Variants in TANC1 observed in about 807,000 individuals in gnomAD.
The protein encoded by TANC1 is tetratricopeptide repeat, ankyrin repeat and coiled-coil containing 1.
A neutral mutation model predicts 149.7 loss-of-function variants in TANC1; 77 were observed. The observed-to-expected ratio is 0.51, with a 90% CI of 0.43 to 0.62. The LOEUF is 0.62. TANC1 is among the 20% of genes least tolerant of loss of function. The probability of loss-of-function intolerance (pLI) is 0.00; values close to 1 mark genes in which losing one functional copy is unlikely to be tolerated. For synonymous variants in TANC1, 854 were observed against 925.0 expected (o/e 0.92, Z 1.39); for missense variants, 1,985 against 2,321.8 (o/e 0.85, Z 2.98).
At chr2:159,159,865 A>T (rs1301350876) in intron 7 of TANC1, among the ~76,000 whole-genome samples, 2 of 152,004 alleles carry the variant, frequency 1.3e-5, no homozygotes, top group Non-Finnish European at 2.9e-5. Flanking sequence ...CTGTTATATT[A>T]AGAAAGTGAG....
At position 159,041,024 on chromosome 2, in the gene TANC1, G is replaced by A. The variant is rs2040587841; in HGVS notation, c.-15-24872G>A. 2.0e-5 allele frequency among the ~76,000 whole-genome samples: 3 copies of A among 152,210 alleles called. No individual in the cohort carries two copies. In the South Asian group the frequency reaches 6.2e-4, roughly 32 times the overall value. ...TTCCTTCTAAGAGTCAGGTCCCTCAGCTGCAGGTCTGTTGGAGTTTGCTGG... is the reference window on the plus strand; with the variant it reads ...TTCCTTCTAAGAGTCAGGTCCCTCAACTGCAGGTCTGTTGGAGTTTGCTGG... On this transcript the variant is annotated intron_variant, in intron 2 of 26. Coordinates refer to ENST00000263635, the MANE Select transcript of TANC1 (RefSeq NM_033394.3).
intron 4 of TANC1, among the ~76,000 whole-genome samples, chr2:159,107,325 C>T (rs2047282526): frequency 6.6e-6 from 1 of 152,222 alleles, no homozygotes; most frequent in South Asian, 2.1e-4. Flanking sequence ...CCATGCCCAG[C>T]CGCTTACAGT....
intron 26 of TANC1, among the ~76,000 whole-genome samples, chr2:159,229,374 G>A (rs2060213800): frequency 6.6e-6 from 1 of 152,056 alleles, no homozygotes; most frequent in Non-Finnish European, 1.5e-5. Context: ...GGGCTGTAGA[G>A]TCCCACCTAC....
intron 16 of TANC1, among the ~76,000 whole-genome samples, chr2:159,191,002 G>A (rs1046197350): frequency 6.6e-6 from 1 of 152,246 alleles, no homozygotes; most frequent in Non-Finnish European, 1.5e-5. Context: ...AGTTGCCCAT[G>A]AAACAGCAGT....
intron 1 of TANC1, among the ~76,000 whole-genome samples, chr2:158,977,685 G>A (rs2033855127): frequency 6.6e-6 from 1 of 151,674 alleles, no homozygotes; most frequent in South Asian, 2.1e-4. Context: ...AAGTCACTTA[G>A]AGTTAGGTAT....
Position 159,065,971 on chromosome 2 carries a change from G to T in TANC1, c.61G>T (p.Gly21Ter), listed in dbSNP as rs1389538957. The change falls in exon 3 of 27, where the codon GGA becomes TGA. Residue 21 changes from glycine to a stop codon, truncating the protein, a stop_gained and splice_region_variant. Coordinates refer to ENST00000263635, the MANE Select transcript of TANC1 (RefSeq NM_033394.3). LOFTEE classifies it high-confidence loss of function. ...EGGKGGKKEA[G>*]SDFGPETSPV... ...AGGAAAGGGAGGCAAGAAGGAAGCA[G>T]GTATGTGTGCAAGAATGAGAAGCTC... 1 of 1,612,228 alleles carries T rather than the reference G, an allele frequency of 6.2e-7. No individual in the cohort carries two copies. The highest frequency in any genetic ancestry group is 1.3e-5 in the African/African-American group (1 of 75,036).
intron 23 of TANC1, chr2:159,225,271 A>C: frequency 4.0e-6 from 1 of 248,020 alleles, no homozygotes. Context: ...GCTGTAGGGT[A>C]GGAGAGAGAA....
At chr2:159,139,597 A>G (rs1574918930) in intron 5 of TANC1, among the ~76,000 whole-genome samples, 1 of 152,242 alleles carries the variant, frequency 6.6e-6, no homozygotes, top group African/African-American at 2.4e-5. Flanking sequence ...TTAGGTTTGC[A>G]TTAATATATT....
chr2:159,200,323 T>G (rs2058155271), intron 19 of TANC1, among the ~76,000 whole-genome samples: 1 of 152,130 alleles, frequency 6.6e-6, no homozygotes. Flanking sequence ...AGCCCAGGAT[T>G]TGATTTTCTT....
chr2:159,169,318 T>G lies in TANC1; in HGVS notation c.1015T>G (p.Ser339Ala), dbSNP rs1438414131. ...GCAGAGAAATGCTCCTCTACGGACG[T>G]CAATTAGATTACCATGGCACAATAC... Reference protein sequence around the residue: ...DGQRNAPLRTSIRLPWHNTAG... With the variant: ...DGQRNAPLRTAIRLPWHNTAG... Residue 339 changes from serine (S) to alanine (A), a missense_variant, in exon 9 of 27, where the codon TCA becomes GCA. Around this residue, in one of 3 missense-constraint regions of TANC1, gnomAD observed 557 missense variants for 612.9 expected, o/e 0.91. Transcript: ENST00000263635. 1.9e-6 allele frequency: 3 copies of G among 1,613,922 alleles called. No homozygotes were observed. Among genetic ancestry groups the G allele is most frequent in the Non-Finnish European group, 2.5e-6 (3 of 1,179,830 alleles).
At chr2:159,083,432 G>A (rs915764962) in intron 3 of TANC1, among the ~76,000 whole-genome samples, 1 of 152,098 alleles carries the variant, frequency 6.6e-6, no homozygotes, top group Non-Finnish European at 1.5e-5. Context: ...GGCAGTTACT[G>A]TAAAGATAAA....
intron 7 of TANC1, among the ~76,000 whole-genome samples, chr2:159,160,135 G>C (rs865847076): frequency 2.0e-5 from 3 of 152,148 alleles, no homozygotes; most frequent in Non-Finnish European, 4.4e-5. Flanking sequence ...AAAATTTAAG[G>C]CCTGATAAGT....
rs113370976 is a variant in TANC1 at position 159,223,770 on chromosome 2, C to T, written c.3679-462C>T. On this transcript the variant is annotated intron_variant, in intron 22 of 26. Transcript: ENST00000263635. Reference sequence around the variant, plus strand: ...GAAGTGGATTATACTCGGGTCCATCCGGTCCCAAGCTGCCAATCTTAACAG... The same window carrying T: ...GAAGTGGATTATACTCGGGTCCATCTGGTCCCAAGCTGCCAATCTTAACAG... Among the ~76,000 whole-genome samples the T allele has an allele frequency of 9.5e-3, 1,449 of 152,308 alleles. 21 individuals carry two copies. Among genetic ancestry groups the T allele is most frequent in the African/African-American group, 0.028 (1,163 of 41,556 alleles).
At chr2:159,138,204 T>C (rs1179765353) in intron 5 of TANC1, among the ~76,000 whole-genome samples, 2 of 152,156 alleles carry the variant, frequency 1.3e-5, no homozygotes, top group Admixed American at 1.3e-4. Flanking sequence ...GGGCTACAAA[T>C]ACAGGACCAG....
intron 16 of TANC1, among the ~76,000 whole-genome samples, chr2:159,187,930 T>C (rs778246136): frequency 1.3e-5 from 2 of 152,242 alleles, no homozygotes; most frequent in Non-Finnish European, 2.9e-5. Flanking sequence ...GAAACATCTG[T>C]TGAGTACAAG....
Position 158,993,829 on chromosome 2 carries a change from A to G in TANC1, c.-125-7251A>G, listed in dbSNP as rs561054271. Among the ~76,000 whole-genome samples, 1,414 of 152,304 alleles carry G rather than the reference A, an allele frequency of 9.3e-3. 9 individuals are homozygous for G. Among genetic ancestry groups the G allele is most frequent in the Middle Eastern group, 0.017 (5 of 294 alleles). On this transcript the variant is annotated intron_variant, in intron 1 of 26. Coordinates refer to ENST00000263635, the MANE Select transcript of TANC1 (RefSeq NM_033394.3). The stretch of plus-strand genomic sequence containing the variant: ...ATCTCCTGGTTTGTCTGAAGAGAAG[A>G]CATTACCTTTTGTCCTGAATTGCCT...
At chr2:159,156,930 T>TG in intron 7 of TANC1, among the ~76,000 whole-genome samples, 1 of 152,318 alleles carries the variant, frequency 6.6e-6, no homozygotes, top group African/African-American at 2.4e-5. Flanking sequence ...TTGAAGAGCC[T>TG]GATGAATGTG....
At chr2:159,107,677 A>G (rs2047324309) in intron 4 of TANC1, among the ~76,000 whole-genome samples, 1 of 152,000 alleles carries the variant, frequency 6.6e-6, no homozygotes, top group Non-Finnish European at 1.5e-5. Context: ...CTCTTCCCCC[A>G]TTGCTCATCC....
chr2:159,176,301 C>A, intron 12 of TANC1, 51 bp from the exon 13 acceptor site: 1 of 1,144,978 alleles, frequency 8.7e-7, no homozygotes, highest in Non-Finnish European at 1.2e-6. Context: ...GTGTTGCTGT[C>A]TTAGAGAAAT....
Sources: gnomAD v4.1 joint callset for allele counts (sites outside exome capture counted in the v4.1 genomes callset) on GRCh38, gnomAD v4.1.1 for gene constraint, gnomAD v4.1.1 regional missense constraint, MANE v1.5 for transcripts, NCBI Gene and HGNC (gene_info 2026-07-23, HGNC 2026-07-21) for gene names.